Variants in AGO2 observed in about 807,000 individuals in gnomAD.
AGO2 encodes the protein protein argonaute-2.
Under a neutral mutation model 102.3 loss-of-function variants are expected in AGO2, and 5 were observed. The observed-to-expected ratio is 0.05, with a 90% confidence interval of 0.03 to 0.10. The LOEUF (loss-of-function observed/expected upper bound fraction) is 0.10. AGO2 is among the 10% of genes least tolerant of loss of function. The pLI, the probability that AGO2 is intolerant of heterozygous loss-of-function variation, is 1.00. For missense variants in AGO2, 541 were observed against 1,183.7 expected, an observed-to-expected ratio of 0.46 and a Z score of 7.97; for synonymous variants, 449 against 473.1, an observed-to-expected ratio of 0.95 and a Z score of 0.66.
chr8:140,629,022 C>T lies in AGO2; in HGVS notation c.22+6463G>A, dbSNP rs28421530. Among the ~76,000 whole-genome samples, 748 of 152,022 alleles carry T rather than the reference C, an allele frequency of 4.9e-3. 6 individuals carry two copies. The highest frequency in any genetic ancestry group is 0.017 in the African/African-American group (704 of 41,436). On this transcript the variant is annotated intron_variant, in intron 1 of 18. Transcript: ENST00000220592. The stretch of plus-strand genomic sequence containing the variant: ...ACAAGAATCACTTGAACCTGGGAGG[C>T]GGAGGTTGCAGTGGGTCGACATTGC...
At chr8:140,599,531 C>T (rs934325370) in intron 1 of AGO2, among the ~76,000 whole-genome samples, 4 of 152,172 alleles carry the variant, frequency 2.6e-5, no homozygotes, top group Non-Finnish European at 4.4e-5. Context: ...GCTCCAGGTC[C>T]GACACTCCCA....
rs891858195 is a variant in AGO2, at chr8:140,557,163, A to G, written c.952T>C (p.Leu318=). Reference sequence around the variant, plus strand: ...GGGAGGTGGGGGTAGCGCAGAACCAACTTGTGCCTGTCCTTGAAATACTGG... The same window carrying G: ...GGGAGGTGGGGGTAGCGCAGAACCAGCTTGTGCCTGTCCTTGAAATACTGG... ...VAQYFKDRHK[L]VLRYPHLPCL... is the part of the protein sequence containing the mutation. The change falls in exon 8 of 19, where the codon TTG becomes CTG. Residue 318 remains leucine, a synonymous_variant. Coordinates refer to ENST00000220592, the MANE Select transcript of AGO2 (RefSeq NM_012154.5). This position sits in a 1 kb window ranked among gnomAD's most constrained non-coding sequence, Gnocchi z 5.9. 9.3e-6 allele frequency: 15 copies of G among 1,613,898 alleles called. No homozygotes were observed. The highest frequency in any genetic ancestry group is 1.3e-5 in the Non-Finnish European group (15 of 1,179,982).
Position 140,539,736 on chromosome 8 carries a change from G to A in AGO2, c.2035-282C>T, listed in dbSNP as rs1376984213. Among the ~76,000 whole-genome samples, 2 of 152,272 alleles carry A rather than the reference G, an allele frequency of 1.3e-5. No individual in the cohort carries two copies. Among genetic ancestry groups the A allele is most frequent in the Non-Finnish European group, 2.9e-5 (2 of 68,046 alleles). ...AAGGGGCGCAGCCAACGCCAGGGAT[G>A]CAGGCTGGGCTCTGCGCTGAGAAGG... On this transcript the variant is annotated intron_variant, in intron 15 of 18. Transcript: ENST00000220592. This position sits in a 1 kb window ranked among gnomAD's most constrained non-coding sequence, Gnocchi z 4.7.
rs2072481403 is a variant in AGO2, at chr8:140,525,245, A to C, written c.*6799T>G. ...AGATGGTGGGAGGGCCCAGCGCAGC[A>C]TTCCGGAGATGCGCGTGCAGGAAGC... On this transcript the variant is annotated 3_prime_UTR_variant, in exon 19 of 19. Transcript: ENST00000220592. 6.6e-6 allele frequency: 1 copy of C among 152,284 alleles called. No individual in the cohort carries two copies. The highest frequency in any genetic ancestry group is 1.5e-5 in the Non-Finnish European group (1 of 68,072). The allele number at this position is 152,284 out of a possible 1,614,324, so 9.4% of individuals were successfully genotyped here.
At chr8:140,612,943 T>C (rs541518599) in intron 1 of AGO2, among the ~76,000 whole-genome samples, 3 of 152,112 alleles carry the variant, frequency 2.0e-5, no homozygotes, top group East Asian at 3.9e-4. Context: ...CTCGCGTCTT[T>C]AATCCCAGCA....
intron 1 of AGO2, among the ~76,000 whole-genome samples, chr8:140,602,238 T>C (rs2073943487): frequency 1.3e-5 from 2 of 152,214 alleles, no homozygotes; most frequent in South Asian, 4.1e-4. Flanking sequence ...CCTCTATTGA[T>C]GTTATCTCTT....
At chr8:140,605,555 C>G (rs1005082593) in intron 1 of AGO2, among the ~76,000 whole-genome samples, 3 of 152,182 alleles carry the variant, frequency 2.0e-5, no homozygotes, top group Non-Finnish European at 4.4e-5. Flanking sequence ...TCTGAGGCTG[C>G]GCAAGGCCAC....
At chr8:140,616,691 T>G (rs1463895352) in intron 1 of AGO2, among the ~76,000 whole-genome samples, 1 of 152,140 alleles carries the variant, frequency 6.6e-6, no homozygotes, top group African/African-American at 2.4e-5. Flanking sequence ...AGGGCCTGGG[T>G]GGGAGTCCAG....
intron 1 of AGO2, among the ~76,000 whole-genome samples, chr8:140,616,104 C>G (rs2074139841): frequency 6.6e-6 from 1 of 152,166 alleles, no homozygotes; most frequent in African/African-American, 2.4e-5. Context: ...TACAAGAACC[C>G]TTGTAACCAA....
intron 1 of AGO2, chr8:140,626,438 C>T (rs1435477840): frequency 6.6e-6 from 1 of 152,260 alleles, no homozygotes; most frequent in African/African-American, 2.4e-5. Flanking sequence ...GTAACGCCCC[C>T]ATCACGGCGG....
chr8:140,533,171 C>G (rs1371597698), intron 17 of AGO2, among the ~76,000 whole-genome samples: 3 of 151,630 alleles, frequency 2.0e-5, no homozygotes, highest in Non-Finnish European at 4.4e-5. Flanking sequence ...GGGCAGATCA[C>G]AAGGTCAGGA....
chr8:140,618,631 G>A (rs144279465), intron 1 of AGO2, among the ~76,000 whole-genome samples: 1,689 of 152,192 alleles, frequency 0.011, 79 homozygotes, highest in Admixed American at 0.083. Flanking sequence ...AGAAATGTGT[G>A]AGCCTGGGCA....
rs766122211 is a variant in AGO2, at chr8:140,540,384, C to T, written c.2034+780G>A. ...GCTCCTCCCCCAACATGCCTGGGGC[C>T]GCTTTCTTCTGCTTTTCTTGCTAAC... On this transcript the variant is annotated intron_variant, in intron 15 of 18. Transcript: ENST00000220592. This position sits in a 1 kb window ranked among gnomAD's most constrained non-coding sequence, Gnocchi z 5.0. 7.9e-5 allele frequency among the ~76,000 whole-genome samples: 12 copies of T among 152,180 alleles called. No homozygotes were observed. Among genetic ancestry groups the T allele is most frequent in the Non-Finnish European group, 1.8e-4 (12 of 68,030 alleles).
At position 140,526,180 on chromosome 8, in the gene AGO2, T is replaced by G. The variant is rs2072502216; in HGVS notation, c.*5864A>C. The G allele has an allele frequency of 6.6e-6, 1 of 152,228 alleles. No homozygotes were observed. Among genetic ancestry groups the G allele is most frequent in the African/African-American group, 2.4e-5 (1 of 41,454 alleles). The allele number at this position is 152,228 out of a possible 1,614,324, so 9.4% of individuals were successfully genotyped here. On this transcript the variant is annotated 3_prime_UTR_variant, in exon 19 of 19. Transcript: ENST00000220592. The surrounding 1 kb of genome is among the most constrained non-coding windows in gnomAD (Gnocchi z 5.2). ...AGTCGGTGTTGAAGCACCTTTGTGA[T>G]TTTACAGAGTGTATAAAAGAGAGGA...
rs535093875 is a variant in AGO2, at chr8:140,625,348, C to T, written c.22+10137G>A. ...CTCAAACTCCTGACCTCAGGTGATC[C>T]GCCCGCCTTGGCCTCCCGAAGTGCT... On this transcript the variant is annotated intron_variant, in intron 1 of 18. Coordinates refer to ENST00000220592, the MANE Select transcript of AGO2 (RefSeq NM_012154.5). Among the ~76,000 whole-genome samples, 125 of 152,250 alleles carry T rather than the reference C, an allele frequency of 8.2e-4. 1 individual carries two copies. Among genetic ancestry groups the T allele is most frequent in the African/African-American group, 2.6e-3 (107 of 41,544 alleles).
chr8:140,612,218 C>A (rs1451551467), intron 1 of AGO2, among the ~76,000 whole-genome samples: 1 of 62,054 alleles, frequency 1.6e-5, no homozygotes, highest in African/African-American at 6.9e-5. Context: ...GAGACTCTGT[C>A]TCAAAAAAAA....
At position 140,614,015 on chromosome 8, in the gene AGO2, CAAAA is replaced by C. The variant is rs59000809; in HGVS notation, c.22+21466_22+21469del. 2.7e-3 allele frequency among the ~76,000 whole-genome samples: 153 copies of C among 57,616 alleles called. 2 individuals are homozygous for C. Among genetic ancestry groups the C allele is most frequent in the African/African-American group, 0.01 (141 of 14,000 alleles). The allele number at this position is 57,616 out of a possible 152,430, so 37.8% of individuals were successfully genotyped here. A position where few individuals can be genotyped will look rare whatever the true frequency, so the allele number is the denominator to read the frequency against. ...TGGGCAACAGAGCAAGACCCTGTCT[CAAAA>C]AAAAAAAAAAAAAAAAAAAAAGGCC... is the stretch of plus-strand genomic sequence containing the variant. On this transcript the variant is annotated intron_variant, in intron 1 of 18. Coordinates refer to ENST00000220592, the MANE Select transcript of AGO2 (RefSeq NM_012154.5).
At chr8:140,568,787 C>T (rs2073333343) in intron 3 of AGO2, among the ~76,000 whole-genome samples, 1 of 152,246 alleles carries the variant, frequency 6.6e-6, no homozygotes, top group Non-Finnish European at 1.5e-5. Context: ...AGTCACCTGG[C>T]AGATGACAGA....
At position 140,532,598 on chromosome 8, in the gene AGO2, C is replaced by T. The variant is rs746273496; in HGVS notation, c.2289G>A (p.Ser763=). ...TGTCGTCCCAGAGGACGTGATAGTGCGAAGGCCTGCTTGTCCCCTAAAGCA... is the reference window on the plus strand; with the variant it reads ...TGTCGTCCCAGAGGACGTGATAGTGTGAAGGCCTGCTTGTCCCCTAAAGCA... ...HAGIQGTSRP[S]HYHVLWDDNR... The change falls in exon 18 of 19, where the codon TCG becomes TCA. Residue 763 remains serine, a synonymous_variant. Transcript: ENST00000220592. 20 of 1,614,122 alleles carry T rather than the reference C, an allele frequency of 1.2e-5. No individual in the cohort carries two copies. The highest frequency in any genetic ancestry group is 1.6e-5 in the Non-Finnish European group (19 of 1,180,048).
Sources: gnomAD v4.1 joint callset for allele counts (sites outside exome capture counted in the v4.1 genomes callset) on GRCh38, gnomAD v4.1.1 for gene constraint, Gnocchi (gnomAD v3.1) non-coding constraint, MANE v1.5 for transcripts, NCBI Gene and HGNC (gene_info 2026-07-23, HGNC 2026-07-21) for gene names.